PCDHA6: variants seen among roughly 807,000 people sequenced by gnomAD.
The protein encoded by PCDHA6 is protocadherin alpha 6.
A neutral mutation model predicts 60.3 loss-of-function variants in PCDHA6; 55 were observed. That is an observed-to-expected ratio of 0.91 (90% CI 0.73 to 1.14). The LOEUF (loss-of-function observed/expected upper bound fraction) is 1.14, where lower values mean the gene tolerates loss of function less well. PCDHA6 is among the 50% of genes most tolerant of loss of function. The pLI, the probability that PCDHA6 is intolerant of heterozygous loss-of-function variation, is 0.00. For missense variants in PCDHA6, 1,327 were observed against 1,256.5 expected, an observed-to-expected ratio of 1.06 and a Z score of -0.85; for synonymous variants, 652 against 557.9, an observed-to-expected ratio of 1.17 and a Z score of -2.38.
chr5:140,829,704 G>T lies in PCDHA6; in HGVS notation c.1613G>T (p.Arg538Leu). 1 of 1,613,434 alleles carries T rather than the reference G, an allele frequency of 6.2e-7. No homozygotes were observed. Among genetic ancestry groups the T allele is most frequent in the Non-Finnish European group, 8.5e-7 (1 of 1,179,878 alleles). Residue 538 changes from arginine to leucine, a missense_variant, in exon 1 of 4, where the codon CGC (arginine) becomes CTC (leucine). Coordinates refer to ENST00000529310, the MANE Select transcript of PCDHA6 (RefSeq NM_018909.4). ...CTGCTGCAGTTTCAGGTGAGCGCGC[G>T]CGACGCGGGCGTGCCGCCTCTGGGC... ...LELLQFQVSA[R>L]DAGVPPLGSN...
chr5:140,996,341 C>T (rs1554255109), intron 3 of PCDHA6, among the ~76,000 whole-genome samples: 2 of 152,160 alleles, frequency 1.3e-5, no homozygotes, highest in African/African-American at 4.8e-5. Context: ...AGTTTGAAAA[C>T]CCAACCAAAG....
intron 1 of PCDHA6, among the ~76,000 whole-genome samples, chr5:140,886,847 A>AT (rs2061191950): frequency 6.6e-6 from 1 of 151,038 alleles, no homozygotes; most frequent in Non-Finnish European, 1.5e-5. Flanking sequence ...AAAAAAAAAA[A>AT]GAAAGGTCTT....
chr5:140,883,533 A>T, intron 1 of PCDHA6: 2 of 1,614,190 alleles, frequency 1.2e-6, no homozygotes, highest in South Asian at 2.2e-5. Flanking sequence ...TCAGCCTATG[A>T]ACTGGTGGTG....
At chr5:140,977,559 A>G (rs1383080307) in intron 1 of PCDHA6, among the ~76,000 whole-genome samples, 2 of 152,204 alleles carry the variant, frequency 1.3e-5, no homozygotes. Context: ...ATATCTTGCT[A>G]GCAGATTGGT....
Position 140,841,614 on chromosome 5 carries a change from G to A in PCDHA6, c.2394+11129G>A, listed in dbSNP as rs144868773. On this transcript the variant is annotated intron_variant, in intron 1 of 3. Transcript: ENST00000529310. The stretch of plus-strand genomic sequence containing the variant: ...ATCGACCGCGAGGAGCTGTGCGGGC[G>A]GAGCGCGGAGTGCAGCATCCACCTG... 3,076 of 1,614,122 alleles carry A rather than the reference G, an allele frequency of 1.9e-3. 76 individuals carry two copies. The African/African-American group carries it at 0.036, about 19-fold the overall frequency.
chr5:140,857,301 C>T (rs2044489449), intron 1 of PCDHA6: 2 of 1,598,676 alleles, frequency 1.3e-6, no homozygotes, highest in Non-Finnish European at 8.6e-7. Context: ...GAGAGGGTGT[C>T]GGCCTATGAG....
At chr5:140,856,926 G>A (rs782283116) in intron 1 of PCDHA6, 1 of 1,594,828 alleles carries the variant, frequency 6.3e-7, no homozygotes, top group South Asian at 1.1e-5. Context: ...AGGAAATTTT[G>A]GATAAACGAA....
intron 1 of PCDHA6, chr5:140,862,950 G>A (rs559605019): frequency 1.1e-4 from 59 of 541,460 alleles, no homozygotes; most frequent in Non-Finnish European, 2.1e-4. Flanking sequence ...GAGCTGGTGC[G>A]GTATTCAGTG....
intron 1 of PCDHA6, chr5:140,850,407 G>C: frequency 6.3e-7 from 1 of 1,597,938 alleles, no homozygotes; most frequent in Non-Finnish European, 8.6e-7. Context: ...GCGTGCCCTG[G>C]ACGAAACGGA....
rs550922282 is a variant in PCDHA6, at chr5:140,927,864, T to C, written c.2395-51085T>C. On this transcript the variant is annotated intron_variant, in intron 1 of 3. Transcript: ENST00000529310. The stretch of plus-strand genomic sequence containing the variant: ...GTGTCTTTGGTTTAGCTAGCACCGC[T>C]AAACTGCTGGTGGAGGTGACTGACG... The C allele has an allele frequency of 6.8e-6, 11 of 1,614,200 alleles. No homozygotes were observed. In the South Asian group the frequency reaches 1.2e-4, roughly 18 times the overall value.
Position 140,870,808 on chromosome 5 carries a change from G to A in PCDHA6, c.2394+40323G>A, listed in dbSNP as rs368477795. 1.9e-5 allele frequency: 30 copies of A among 1,613,692 alleles called. No individual in the cohort carries two copies. The highest frequency in any genetic ancestry group is 3.3e-5 in the South Asian group (3 of 91,076). On this transcript the variant is annotated intron_variant, in intron 1 of 3. Coordinates refer to ENST00000529310, the MANE Select transcript of PCDHA6 (RefSeq NM_018909.4). ...CGCGCCGGCACTGCTGGCGACTCAGGCTGGCAGCGCGGGAGGCGCAGTTAA... is the reference window on the plus strand; with the variant it reads ...CGCGCCGGCACTGCTGGCGACTCAGACTGGCAGCGCGGGAGGCGCAGTTAA...
intron 1 of PCDHA6, among the ~76,000 whole-genome samples, chr5:140,898,095 T>C (rs1196262591): frequency 7.9e-5 from 12 of 152,170 alleles, no homozygotes; most frequent in Non-Finnish European, 1.6e-4. Flanking sequence ...ATTAGCCCTT[T>C]GTCAGATGAG....
rs782339436 is a variant in PCDHA6, at chr5:140,928,591, G to A, written c.2395-50358G>A. The A allele has an allele frequency of 3.1e-6, 5 of 1,614,230 alleles. No individual in the cohort carries two copies. The South Asian group carries it at 5.5e-5, about 18-fold the overall frequency. ...CTTGCCCAGAAATGGTTCTGTCCCA[G>A]TGGAAATTGTGCCCCGCTCTGCCAG... On this transcript the variant is annotated intron_variant, in intron 1 of 3. Coordinates refer to ENST00000529310, the MANE Select transcript of PCDHA6 (RefSeq NM_018909.4).
rs782250124 is a variant in PCDHA6, at chr5:140,870,603, C to G, written c.2394+40118C>G. 14 of 1,613,222 alleles carry G rather than the reference C, an allele frequency of 8.7e-6. No individual in the cohort carries two copies. In the Middle Eastern group the frequency reaches 5.0e-4, roughly 58 times the overall value. On this transcript the variant is annotated intron_variant, in intron 1 of 3. Coordinates refer to ENST00000529310, the MANE Select transcript of PCDHA6 (RefSeq NM_018909.4). ...CGCTGGTGGAGCGGCGGTTGGGCGA[C>G]CGCGCGCTGTCGAGCTACGTGTCGG...
At position 140,842,039 on chromosome 5, in the gene PCDHA6, C is replaced by T. The variant is rs371732180; in HGVS notation, c.2394+11554C>T. ...AGTGCTGGATGTGAATGATAATGCT[C>T]CCACTTTCGAACAGTCTGAATACGA... On this transcript the variant is annotated intron_variant, in intron 1 of 3. Transcript: ENST00000529310. 4 of 1,613,816 alleles carry T rather than the reference C, an allele frequency of 2.5e-6. No individual in the cohort carries two copies. In the South Asian group the frequency reaches 4.4e-5, roughly 18 times the overall value.
intron 1 of PCDHA6, chr5:140,857,490 C>T (rs1554150112): frequency 1.3e-6 from 2 of 1,598,382 alleles, no homozygotes; most frequent in East Asian, 4.5e-5. Context: ...GCGTGGGACG[C>T]GGACGCGCAG....
At chr5:141,000,183 A>G (rs2097895175) in intron 3 of PCDHA6, among the ~76,000 whole-genome samples, 1 of 151,898 alleles carries the variant, frequency 6.6e-6, no homozygotes, top group Non-Finnish European at 1.5e-5. Context: ...CAAGGAGTCA[A>G]TGTGAGAATA....
At chr5:140,853,141 A>G in intron 1 of PCDHA6, 1 of 767,574 alleles carries the variant, frequency 1.3e-6, no homozygotes, top group Non-Finnish European at 1.6e-6. Flanking sequence ...AGCCTCCCAA[A>G]ATGCTGGGAT....
intron 1 of PCDHA6, chr5:140,842,773 G>A: frequency 6.3e-7 from 1 of 1,594,638 alleles, no homozygotes; most frequent in Non-Finnish European, 8.6e-7. Context: ...ACGCGGACGC[G>A]CAGGAGAACG....
Sources: gnomAD v4.1 joint callset for allele counts (sites outside exome capture counted in the v4.1 genomes callset) on GRCh38, gnomAD v4.1.1 for gene constraint, MANE v1.5 for transcripts, NCBI Gene and HGNC (gene_info 2026-07-23, HGNC 2026-07-21) for gene names.